The following PCDHA10 variants were observed in gnomAD, a reference collection of about 807,000 sequenced individuals.
PCDHA10 encodes protocadherin alpha-10.
Under a neutral mutation model 61.2 loss-of-function variants are expected in PCDHA10, and 45 were observed. That is an observed-to-expected ratio of 0.74 (90% CI 0.58 to 0.94). The LOEUF (loss-of-function observed/expected upper bound fraction) is 0.94, where lower values mean the gene tolerates loss of function less well. Among genes scored for constraint, PCDHA10 ranks in the 40% least tolerant of loss-of-function variants. The pLI is 0.00. For synonymous variants in PCDHA10, 602 were observed against 548.8 expected (o/e 1.10, Z -1.35); for missense variants, 1,278 against 1,236.2 (o/e 1.03, Z -0.51).
intron 1 of PCDHA10, among the ~76,000 whole-genome samples, chr5:140,923,066 C>G (rs1050883797): frequency 6.6e-6 from 1 of 152,198 alleles, no homozygotes; most frequent in African/African-American, 2.4e-5. Flanking sequence ...AGAGCTAGGT[C>G]TCCTCATGTC....
At position 140,870,595 on chromosome 5, in the gene PCDHA10, T is replaced by G. The variant is rs573002634; in HGVS notation, c.2388+12159T>G. ...GTCCTACTCGCTGGTGGAGCGGCGG[T>G]TGGGCGACCGCGCGCTGTCGAGCTA... On this transcript the variant is annotated intron_variant, in intron 1 of 3. Transcript: ENST00000307360. The G allele has an allele frequency of 8.9e-5, 144 of 1,613,242 alleles. No homozygotes were observed. The South Asian group carries it at 9.4e-4, about 11-fold the overall frequency.
At position 140,883,599 on chromosome 5, in the gene PCDHA10, G is replaced by A. The variant is rs1562791244; in HGVS notation, c.2388+25163G>A. ...TGGGCCACGGCCAGCGTGTCGGTGG[G>A]GGTGGCCGACGTGAACGACAACGCG... On this transcript the variant is annotated intron_variant, in intron 1 of 3. Coordinates refer to ENST00000307360, the MANE Select transcript of PCDHA10 (RefSeq NM_018901.4). 4 of 1,614,016 alleles carry A rather than the reference G, an allele frequency of 2.5e-6. No homozygotes were observed. Among genetic ancestry groups the A allele is most frequent in the Non-Finnish European group, 3.4e-6 (4 of 1,179,942 alleles).
At chr5:140,884,917 C>G (rs1343503909) in intron 1 of PCDHA10, among the ~76,000 whole-genome samples, 1 of 152,168 alleles carries the variant, frequency 6.6e-6, no homozygotes, top group Non-Finnish European at 1.5e-5. Flanking sequence ...CTTAATAGTT[C>G]TAAGTATTTA....
intron 3 of PCDHA10, among the ~76,000 whole-genome samples, chr5:141,000,389 CTCTCTCTATATA>C (rs1270729414): frequency 5.3e-4 from 33 of 62,572 alleles, no homozygotes; most frequent in African/African-American, 2.0e-3. Context: ...CTCTCTCTCT[CTCTCTCTATATA>C]TATATATATA....
intron 1 of PCDHA10, chr5:140,862,140 G>A (rs2047224781): frequency 6.1e-6 from 1 of 162,900 alleles, no homozygotes; most frequent in Admixed American, 5.7e-5. Flanking sequence ...AGGTTTTGAG[G>A]AAACTAAATA....
intron 1 of PCDHA10, among the ~76,000 whole-genome samples, chr5:140,905,903 G>A (rs2072195312): frequency 6.6e-6 from 1 of 152,184 alleles, no homozygotes; most frequent in African/African-American, 2.4e-5. Flanking sequence ...AAGCTGAGGA[G>A]CAAGGAATCC....
chr5:140,875,924 A>G (rs782181544), intron 1 of PCDHA10: 5 of 1,613,936 alleles, frequency 3.1e-6, no homozygotes, highest in Non-Finnish European at 4.2e-6. Context: ...CTGGACTCTC[A>G]TTTTCCTCTA....
intron 1 of PCDHA10, chr5:140,869,798 T>G: frequency 6.2e-7 from 1 of 1,612,730 alleles, no homozygotes; most frequent in Non-Finnish European, 8.5e-7. Context: ...TTAGTCCAAG[T>G]CTTGGATGTC....
In PCDHA10 at chr5:140,869,551, T is replaced by A. The variant is rs570153514; in HGVS notation, c.2388+11115T>A. On this transcript the variant is annotated intron_variant, in intron 1 of 3. Coordinates refer to ENST00000307360, the MANE Select transcript of PCDHA10 (RefSeq NM_018901.4). ...GATTGCGGAATCTAAGCAATCGGAC[T>A]CGCGTTTTCCACTAGAGGGAGCTTC... 3.1e-6 allele frequency: 5 copies of A among 1,614,218 alleles called. No individual in the cohort carries two copies. The East Asian group carries it at 6.7e-5, about 22-fold the overall frequency.
At chr5:140,899,251 G>A (rs1322090098) in intron 1 of PCDHA10, among the ~76,000 whole-genome samples, 1 of 152,082 alleles carries the variant, frequency 6.6e-6, no homozygotes, top group Non-Finnish European at 1.5e-5. Flanking sequence ...GTGAGAGAGG[G>A]CATCCCTGTC....
At position 140,927,719 on chromosome 5, in the gene PCDHA10, C is replaced by A. The variant is rs144571902; in HGVS notation, c.2389-51230C>A. Reference sequence around the variant, plus strand: ...GTCCAGTACTCCCTAAGCAACAGCACGCAAGCAGAGCTGCGACACCGCTTT... The same window carrying A: ...GTCCAGTACTCCCTAAGCAACAGCAAGCAAGCAGAGCTGCGACACCGCTTT... On this transcript the variant is annotated intron_variant, in intron 1 of 3. Transcript: ENST00000307360. The A allele has an allele frequency of 2.2e-4, 352 of 1,614,178 alleles. No individual in the cohort carries two copies. In the Middle Eastern group the frequency reaches 2.3e-3, roughly 11 times the overall value.
chr5:140,950,646 G>T (rs1221939583), intron 1 of PCDHA10, among the ~76,000 whole-genome samples: 2 of 151,884 alleles, frequency 1.3e-5, no homozygotes, highest in African/African-American at 4.8e-5. Context: ...TCCTGTTTAT[G>T]GTTGGCTGAG....
rs2044280502 is a variant in PCDHA10, at chr5:140,856,940, A to G, written c.892A>G (p.Thr298Ala). ...AAGGAAATTTTGGATAAACGAAAGG[A>G]CGGGAGAAATAAAAGTAAATGATGC... is the stretch of plus-strand genomic sequence containing the variant. Reference protein sequence around the residue: ...IRRKFWINERTGEIKVNDAID... With the variant: ...IRRKFWINERAGEIKVNDAID... The change falls in exon 1 of 4, where the codon ACG (threonine) becomes GCG (alanine). Residue 298 changes from threonine (T) to alanine (A), a missense_variant. Physicochemically the swap from Thr to Ala is moderately conservative, Grantham distance 58. Transcript: ENST00000307360. 1 of 1,593,596 alleles carries G rather than the reference A, an allele frequency of 6.3e-7. No individual in the cohort carries two copies. The highest frequency in any genetic ancestry group is 1.3e-5 in the African/African-American group (1 of 74,228).
At position 140,877,641 on chromosome 5, in the gene PCDHA10, C is replaced by G. The variant is rs548787462; in HGVS notation, c.2388+19205C>G. ...TGCTGCTGTACACTGCGCTGCGTTG[C>G]TCAGCGCCGCCCACCGTGAGCCGGT... On this transcript the variant is annotated intron_variant, in intron 1 of 3. Transcript: ENST00000307360. 6.2e-6 allele frequency: 10 copies of G among 1,613,592 alleles called. 1 individual carries two copies. In the South Asian group the frequency reaches 9.9e-5, roughly 16 times the overall value.
At chr5:140,938,214 G>C (rs2091981626) in intron 1 of PCDHA10, among the ~76,000 whole-genome samples, 1 of 152,148 alleles carries the variant, frequency 6.6e-6, no homozygotes, top group Non-Finnish European at 1.5e-5. Context: ...CCAAAGTGCT[G>C]GGATTACAGG....
Position 141,010,554 on chromosome 5 carries a change from C to G in PCDHA10, c.*617C>G. On this transcript the variant is annotated 3_prime_UTR_variant, in exon 4 of 4. Transcript: ENST00000307360. ...CACCCTCTAGGAGACAAAACTACCC[C>G]CACTGACAAGGCTTTAGGAGACCCT... The G allele has an allele frequency of 3.1e-6, 1 of 322,198 alleles. No individual in the cohort carries two copies. The highest frequency in any genetic ancestry group is 9.3e-4 in the Middle Eastern group (1 of 1,074). 20.0% of individuals were successfully genotyped at this position (322,198 alleles called of 1,614,324 possible).
At chr5:140,941,202 C>CCTTCCTTTCTTT (rs1554213920) in intron 1 of PCDHA10, among the ~76,000 whole-genome samples, 197 of 122,808 alleles carry the variant, frequency 1.6e-3, no homozygotes, top group Admixed American at 2.9e-3. Flanking sequence ...TTTCTTTCTT[C>CCTTCCTTTCTTT]CTTTCTTTCT....
At position 140,906,523 on chromosome 5, in the gene PCDHA10, C is replaced by T. The variant is rs145617697; in HGVS notation, c.2388+48087C>T. Among the ~76,000 whole-genome samples, 1,221 of 152,284 alleles carry T rather than the reference C, an allele frequency of 8.0e-3. 6 individuals are homozygous for T. The highest frequency in any genetic ancestry group is 0.019 in the African/African-American group (786 of 41,540). On this transcript the variant is annotated intron_variant, in intron 1 of 3. Transcript: ENST00000307360. ...TTAACAAAGAAGGAGGAAATACTCA[C>T]GACAATTAAAATCCTCATTTCTGCA...
intron 1 of PCDHA10, chr5:140,876,774 G>C: frequency 3.7e-6 from 6 of 1,614,228 alleles, no homozygotes; most frequent in Non-Finnish European, 5.1e-6. Flanking sequence ...GCTCGCCTTC[G>C]CTGTGGGCCA....
Sources: gnomAD v4.1 joint callset for allele counts (sites outside exome capture counted in the v4.1 genomes callset) on GRCh38, gnomAD v4.1.1 for gene constraint, MANE v1.5 for transcripts, NCBI Gene and HGNC (gene_info 2026-07-23, HGNC 2026-07-21) for gene names.